Variants in ADAMTS6 observed in about 807,000 individuals in gnomAD.
ADAMTS6 encodes the protein A disintegrin and metalloproteinase with thrombospondin motifs 6.
ADAMTS6 carries 23 observed loss-of-function variants against 144.3 expected under a neutral mutation model. That is an observed-to-expected ratio of 0.16 (90% CI 0.11 to 0.23). The LOEUF (loss-of-function observed/expected upper bound fraction) is 0.23, where lower values mean the gene tolerates loss of function less well. Ranked by LOEUF, ADAMTS6 falls within the 10% of genes least tolerant of loss-of-function variation. The pLI, the probability that ADAMTS6 is intolerant of heterozygous loss-of-function variation, is 1.00. For synonymous variants in ADAMTS6, 444 were observed against 457.5 expected (o/e 0.97, Z 0.38); for missense variants, 999 against 1,379.6 (o/e 0.72, Z 4.37).
chr5:65,367,814 A>C (rs1750445419), intron 7 of ADAMTS6, among the ~76,000 whole-genome samples: 1 of 152,020 alleles, frequency 6.6e-6, no homozygotes, highest in Non-Finnish European at 1.5e-5. Context: ...ACAAACTGGC[A>C]ACTGTTGTAT....
At chr5:65,181,943 G>A (rs1754379111) in intron 22 of ADAMTS6, among the ~76,000 whole-genome samples, 1 of 152,086 alleles carries the variant, frequency 6.6e-6, no homozygotes, top group African/African-American at 2.4e-5. Context: ...TACATCTCTT[G>A]TTTATTCTAA....
intron 7 of ADAMTS6, 133 bp from the exon 8 acceptor site, chr5:65,334,218 G>T (rs769107035): frequency 2.0e-5 from 20 of 977,062 alleles, no homozygotes; most frequent in Non-Finnish European, 2.8e-5. Flanking sequence ...TGGAGTGTCG[G>T]CATTTTCAGC....
chr5:65,213,233 G>A lies in ADAMTS6; in HGVS notation c.2575+1561C>T, dbSNP rs79100855. On this transcript the variant is annotated intron_variant, in intron 20 of 24. Coordinates refer to ENST00000381055, the MANE Select transcript of ADAMTS6 (RefSeq NM_197941.4). ...ACCATGTTTCATGATACTTTACACA[G>A]TAGAGTACATTAATATATTATTATT... Among the ~76,000 whole-genome samples the A allele has an allele frequency of 4.1e-5, 6 of 148,144 alleles. No homozygotes were observed. In the East Asian group the frequency reaches 1.2e-3, roughly 29 times the overall value.
chr5:65,427,312 T>TTA (rs1756621165), intron 7 of ADAMTS6, among the ~76,000 whole-genome samples: 1 of 150,636 alleles, frequency 6.6e-6, no homozygotes, highest in Non-Finnish European at 1.5e-5. Flanking sequence ...ATTATTATTA[T>TTA]TTTTTTTTAG....
At chr5:65,280,059 G>A (rs977003162) in intron 11 of ADAMTS6, among the ~76,000 whole-genome samples, 1 of 152,168 alleles carries the variant, frequency 6.6e-6, no homozygotes, top group Non-Finnish European at 1.5e-5. Context: ...CACCATGTAG[G>A]CTGTATATGG....
intron 7 of ADAMTS6, among the ~76,000 whole-genome samples, chr5:65,402,667 A>T (rs2150166743): frequency 6.6e-6 from 1 of 150,758 alleles, no homozygotes; most frequent in Admixed American, 6.6e-5. Context: ...ACAATGAATA[A>T]ATGTCCAGGC....
At chr5:65,215,140 T>C (rs1019734145) in intron 19 of ADAMTS6, among the ~76,000 whole-genome samples, 184 bp downstream of exon 19, 7 of 152,214 alleles carry the variant, frequency 4.6e-5, no homozygotes, top group African/African-American at 1.7e-4. Flanking sequence ...GTTATAAAAA[T>C]ACTATTCAAG....
Position 65,417,919 on chromosome 5 carries a change from C to A in ADAMTS6, c.1073+33556G>T, listed in dbSNP as rs554277580. ...CCAAAAAGGGCCCAAATAGCCAAAG[C>A]AATGCTAAGCAAAAAGAACAAAGCT... On this transcript the variant is annotated intron_variant, in intron 7 of 24. Transcript: ENST00000381055. 2.6e-5 allele frequency among the ~76,000 whole-genome samples: 4 copies of A among 152,210 alleles called. No individual in the cohort carries two copies. The South Asian group carries it at 8.3e-4, about 32-fold the overall frequency.
At chr5:65,162,658 C>CA (rs1752852277) in intron 24 of ADAMTS6, among the ~76,000 whole-genome samples, 2 of 146,118 alleles carry the variant, frequency 1.4e-5, no homozygotes, top group Admixed American at 6.9e-5. Flanking sequence ...CACACACACA[C>CA]ACTTGCAGAG....
intron 20 of ADAMTS6, among the ~76,000 whole-genome samples, chr5:65,203,155 G>A (rs1755849216): frequency 1.3e-5 from 2 of 152,190 alleles, no homozygotes; most frequent in South Asian, 4.1e-4. Flanking sequence ...GGTTACACAT[G>A]TCAAGAGGCA....
At chr5:65,418,664 C>A (rs927278602) in intron 7 of ADAMTS6, among the ~76,000 whole-genome samples, 1 of 151,960 alleles carries the variant, frequency 6.6e-6, no homozygotes. Flanking sequence ...CAAGACAGGT[C>A]TAATATCCAG....
chr5:65,268,172 T>A (rs1761769432), intron 12 of ADAMTS6, among the ~76,000 whole-genome samples: 1 of 152,224 alleles, frequency 6.6e-6, no homozygotes, highest in Non-Finnish European at 1.5e-5. Context: ...CTGTGTTTCC[T>A]ATGGAAAGAT....
At chr5:65,302,288 TTAATATA>T (rs1242603041) in intron 9 of ADAMTS6, among the ~76,000 whole-genome samples, 10 of 144,438 alleles carry the variant, frequency 6.9e-5, no homozygotes, top group African/African-American at 2.3e-4. Context: ...ATATAAAATA[TTAATATA>T]TAATATATAA....
chr5:65,210,495 G>T, intron 20 of ADAMTS6: 3 of 307,264 alleles, frequency 9.8e-6, no homozygotes, highest in Admixed American at 3.5e-5. Flanking sequence ...AAGCGGAGTT[G>T]ATTGGAGATG....
chr5:65,219,672 G>A (rs888474414), intron 18 of ADAMTS6, among the ~76,000 whole-genome samples: 1 of 152,070 alleles, frequency 6.6e-6, no homozygotes, highest in African/African-American at 2.4e-5. Flanking sequence ...CCTCCTGAGT[G>A]GTTGGAATTA....
At chr5:65,164,222 G>A (rs958966561) in intron 24 of ADAMTS6, among the ~76,000 whole-genome samples, 3 of 151,980 alleles carry the variant, frequency 2.0e-5, no homozygotes, top group Non-Finnish European at 2.9e-5. Context: ...CACCTGGGAA[G>A]CGCAAGGGGT....
At chr5:65,219,684 A>G (rs1459054415) in intron 18 of ADAMTS6, among the ~76,000 whole-genome samples, 1 of 152,186 alleles carries the variant, frequency 6.6e-6, no homozygotes, top group Admixed American at 6.5e-5. Context: ...TTGGAATTAC[A>G]GGCATGTGCC....
chr5:65,212,238 A>G (rs536622307), intron 20 of ADAMTS6, among the ~76,000 whole-genome samples: 2 of 152,220 alleles, frequency 1.3e-5, no homozygotes, highest in Admixed American at 1.3e-4. Flanking sequence ...TCTTTACACC[A>G]TGCCCTCTAT....
intron 14 of ADAMTS6, among the ~76,000 whole-genome samples, chr5:65,243,961 C>T (rs983319662): frequency 6.6e-6 from 1 of 151,926 alleles, no homozygotes. Flanking sequence ...AATGGAAAAA[C>T]GACCATGAAA....
Sources: allele counts gnomAD v4.1 joint callset (sites outside exome capture counted in the v4.1 genomes callset), GRCh38; gene constraint gnomAD v4.1.1; transcripts MANE v1.5; gene names NCBI Gene and HGNC (gene_info 2026-07-23, HGNC 2026-07-21).